Variants in RALYL observed in about 807,000 individuals in gnomAD.
RALYL encodes the protein RNA-binding Raly-like protein.
In RALYL, 29 loss-of-function variants were observed where a neutral mutation model predicts 35.1. The observed-to-expected ratio is 0.83, with a 90% CI of 0.61 to 1.13. RALYL has a LOEUF of 1.13. Ranked by LOEUF, RALYL falls within the 50% of genes most tolerant of loss-of-function variation. The pLI is 0.00. For missense variants in RALYL, 359 were observed against 360.4 expected, an observed-to-expected ratio of 1.00 and a Z score of 0.03; for synonymous variants, 120 against 127.6, an observed-to-expected ratio of 0.94 and a Z score of 0.40.
intron 2 of RALYL, among the ~76,000 whole-genome samples, chr8:84,584,989 T>G (rs566468807): frequency 6.6e-6 from 1 of 152,318 alleles, no homozygotes; most frequent in Admixed American, 6.5e-5. Context: ...TTATTCAATA[T>G]CTAGGGTAAT....
rs147483614 is a variant in RALYL at position 84,805,458 on chromosome 8, C to T, written c.365+656C>T. ...AATCCTAGCATTTTTGGGAGGTGGG[C>T]GGATCACCTGAGGGCAGGAGCTCAA... is the stretch of plus-strand genomic sequence containing the variant. On this transcript the variant is annotated intron_variant, in intron 4 of 8. Coordinates refer to ENST00000521268, the MANE Select transcript of RALYL (RefSeq NM_173848.7). 5.0e-3 allele frequency among the ~76,000 whole-genome samples: 755 copies of T among 152,168 alleles called. 8 individuals are homozygous for T. The highest frequency in any genetic ancestry group is 0.017 in the African/African-American group (721 of 41,512).
At chr8:84,532,420 A>G (rs1021724108) in intron 2 of RALYL, among the ~76,000 whole-genome samples, 2 of 152,040 alleles carry the variant, frequency 1.3e-5, no homozygotes, top group Admixed American at 1.3e-4. Context: ...GTTCAAGTAT[A>G]TTAATCACTT....
chr8:84,472,697 A>T (rs1031956248), intron 1 of RALYL, among the ~76,000 whole-genome samples: 1 of 152,188 alleles, frequency 6.6e-6, no homozygotes, highest in Non-Finnish European at 1.5e-5. Flanking sequence ...CCTGAAAAAA[A>T]AAGTAGACAA....
chr8:84,237,960 A>G (rs934217755), intron 1 of RALYL, among the ~76,000 whole-genome samples: 14 of 150,458 alleles, frequency 9.3e-5, no homozygotes, highest in African/African-American at 3.5e-4. Flanking sequence ...GAAATCAGCT[A>G]TTAAAATATG....
chr8:84,784,054 T>C (rs1818807467), intron 3 of RALYL, among the ~76,000 whole-genome samples: 2 of 151,492 alleles, frequency 1.3e-5, no homozygotes, highest in African/African-American at 2.5e-5. Context: ...GGCAGTGCCA[T>C]TTAAGGACTG....
At chr8:84,919,950 G>C (rs970066302) in intron 8 of RALYL, among the ~76,000 whole-genome samples, 6 of 151,950 alleles carry the variant, frequency 3.9e-5, no homozygotes, top group Non-Finnish European at 8.8e-5. Flanking sequence ...ATGAAATCTG[G>C]GGGGCTGCAA....
chr8:84,443,597 G>A (rs1378552722), intron 1 of RALYL, among the ~76,000 whole-genome samples: 1 of 152,122 alleles, frequency 6.6e-6, no homozygotes, highest in Non-Finnish European at 1.5e-5. Context: ...GCTTGGTATA[G>A]AGCGTGCTCT....
chr8:84,305,711 A>G (rs1453566016), intron 1 of RALYL, among the ~76,000 whole-genome samples: 1 of 152,184 alleles, frequency 6.6e-6, no homozygotes, highest in Non-Finnish European at 1.5e-5. Flanking sequence ...ATGGTAAGGA[A>G]AACAAGTTGG....
chr8:84,445,836 C>A (rs1243407363), intron 1 of RALYL, among the ~76,000 whole-genome samples: 1 of 151,230 alleles, frequency 6.6e-6, no homozygotes, highest in Non-Finnish European at 1.5e-5. Context: ...TTTAATTTTT[C>A]ACAAGTAAAG....
chr8:84,232,394 T>C (rs1052376844), intron 1 of RALYL, among the ~76,000 whole-genome samples: 1 of 152,040 alleles, frequency 6.6e-6, no homozygotes, highest in Non-Finnish European at 1.5e-5. Context: ...TTGCTAATAA[T>C]CTAAAAAGTA....
At chr8:84,379,097 G>A (rs772173596) in intron 1 of RALYL, among the ~76,000 whole-genome samples, 2 of 151,832 alleles carry the variant, frequency 1.3e-5, no homozygotes, top group Non-Finnish European at 2.9e-5. Flanking sequence ...TTTAGATCAG[G>A]CTTCAGCCTA....
intron 1 of RALYL, among the ~76,000 whole-genome samples, chr8:84,520,534 C>G (rs1425823640): frequency 6.6e-6 from 1 of 152,124 alleles, no homozygotes; most frequent in Non-Finnish European, 1.5e-5. Context: ...CATAGACATT[C>G]TTTAGATAGG....
intron 8 of RALYL, 36 bp from the exon 9 acceptor site, chr8:84,920,858 A>T: frequency 9.2e-7 from 1 of 1,082,224 alleles, no homozygotes; most frequent in Non-Finnish European, 1.3e-6. Context: ...TAAAACACAA[A>T]TCTCTGTATT....
At chr8:84,825,576 G>A (rs910228473) in intron 4 of RALYL, among the ~76,000 whole-genome samples, 2 of 152,102 alleles carry the variant, frequency 1.3e-5, no homozygotes, top group African/African-American at 4.8e-5. Context: ...ATTTACAATA[G>A]CAAAGACACA....
At chr8:84,840,283 T>A (rs938928780) in intron 4 of RALYL, among the ~76,000 whole-genome samples, 2 of 151,918 alleles carry the variant, frequency 1.3e-5, no homozygotes, top group Non-Finnish European at 1.5e-5. Flanking sequence ...AAGGACCTGA[T>A]GGAGCTGAAA....
At chr8:84,187,028 A>C (rs1166418157) in intron 1 of RALYL, among the ~76,000 whole-genome samples, 2 of 151,770 alleles carry the variant, frequency 1.3e-5, no homozygotes, top group African/African-American at 4.9e-5. Context: ...TCAACTGCTT[A>C]CTAAGCGAGA....
chr8:84,673,810 G>T (rs976104666), intron 2 of RALYL, among the ~76,000 whole-genome samples: 8 of 152,134 alleles, frequency 5.3e-5, no homozygotes, highest in African/African-American at 1.9e-4. Context: ...GTTGGGTAGT[G>T]CAACGCCTCC....
intron 4 of RALYL, among the ~76,000 whole-genome samples, chr8:84,818,812 G>T (rs897487777): frequency 2.0e-5 from 3 of 152,176 alleles, no homozygotes; most frequent in Non-Finnish European, 4.4e-5. Flanking sequence ...AGAATGTAAA[G>T]AAAATGCCTG....
chr8:84,703,580 T>C (rs113261880), intron 2 of RALYL, among the ~76,000 whole-genome samples: 3,842 of 152,228 alleles, frequency 0.025, 75 homozygotes, highest in Non-Finnish European at 0.04. Context: ...TAATTATACA[T>C]AATGGAGAAT....
Sources: gnomAD v4.1 joint callset for allele counts (sites outside exome capture counted in the v4.1 genomes callset) on GRCh38, gnomAD v4.1.1 for gene constraint, MANE v1.5 for transcripts, NCBI Gene and HGNC (gene_info 2026-07-23, HGNC 2026-07-21) for gene names.